The following ZSWIM6 variants were observed in gnomAD, a reference collection of about 807,000 sequenced individuals.
The protein encoded by ZSWIM6 is zinc finger SWIM domain-containing protein 6.
In ZSWIM6, 9 loss-of-function variants were observed where a neutral mutation model predicts 113.2. The ratio of observed to expected loss-of-function variants is 0.08; its 90% confidence interval spans 0.05 to 0.14. ZSWIM6 has a LOEUF of 0.14. ZSWIM6 is among the 10% of genes least tolerant of loss of function. ZSWIM6 has a pLI of 1.00. For synonymous variants in ZSWIM6, 611 were observed against 606.5 expected (o/e 1.01, Z -0.11); for missense variants, 1,162 against 1,552.2 (o/e 0.75, Z 4.22).
Position 61,543,749 on chromosome 5 carries a change from A to T in ZSWIM6, c.3080A>T (p.Tyr1027Phe). The change falls in exon 14 of 14, where the codon TAT (tyrosine) becomes TTT (phenylalanine). Residue 1027 changes from tyrosine (Y) to phenylalanine (F), a missense_variant. Tyr to Phe is a conservative substitution (Grantham distance 22). Around this residue, in one of 4 missense-constraint regions of ZSWIM6, gnomAD observed 620 missense variants for 804.6 expected, o/e 0.77. Coordinates refer to ENST00000252744, the MANE Select transcript of ZSWIM6 (RefSeq NM_020928.2). This position sits in a 1 kb window ranked among gnomAD's most constrained non-coding sequence, Gnocchi z 4.3. Reference sequence around the variant, plus strand: ...GACGCTGCTACGACTGGCATGAGCTATACACAGCTCTTTACAATAGCACGG... The same window carrying T: ...GACGCTGCTACGACTGGCATGAGCTTTACACAGCTCTTTACAATAGCACGG... ...VLDAATTGMS[Y>F]TQLFTIARYM... 1 of 1,551,790 alleles carries T rather than the reference A, an allele frequency of 6.4e-7. No individual in the cohort carries two copies. The highest frequency in any genetic ancestry group is 1.2e-5 in the South Asian group (1 of 84,062).
chr5:61,522,886 A>G (rs1013469357), intron 5 of ZSWIM6, among the ~76,000 whole-genome samples: 10 of 152,134 alleles, frequency 6.6e-5, no homozygotes, highest in African/African-American at 2.2e-4. Flanking sequence ...CTACTCAAAC[A>G]TTTTACATTT....
chr5:61,479,232 C>CT (rs1012764743), intron 2 of ZSWIM6, among the ~76,000 whole-genome samples: 144 of 148,140 alleles, frequency 9.7e-4, no homozygotes, highest in African/African-American at 2.5e-3. Flanking sequence ...ACAGGGGATC[C>CT]TTTTTTTTTT....
intron 1 of ZSWIM6, among the ~76,000 whole-genome samples, chr5:61,348,138 G>A (rs770095872): frequency 5.3e-5 from 8 of 152,122 alleles, no homozygotes; most frequent in Non-Finnish European, 7.4e-5. Flanking sequence ...GGAAAATGGC[G>A]TCAACCCGGG....
chr5:61,345,896 G>A (rs993284417), intron 1 of ZSWIM6, among the ~76,000 whole-genome samples: 6 of 152,172 alleles, frequency 3.9e-5, no homozygotes, highest in African/African-American at 1.4e-4. Flanking sequence ...AAGGTGAATT[G>A]CTTGGTCTAG....
chr5:61,371,994 T>A (rs986814511), intron 1 of ZSWIM6, among the ~76,000 whole-genome samples: 24 of 152,212 alleles, frequency 1.6e-4, no homozygotes, highest in African/African-American at 5.8e-4. Flanking sequence ...AAGCAGATCT[T>A]TAATGTCTAC....
chr5:61,436,256 C>A (rs548805128), intron 1 of ZSWIM6, among the ~76,000 whole-genome samples: 11 of 151,722 alleles, frequency 7.3e-5, no homozygotes, highest in African/African-American at 2.7e-4. Context: ...ATGTTGGTAG[C>A]AGCTTGAACA....
intron 4 of ZSWIM6, among the ~76,000 whole-genome samples, chr5:61,509,328 A>G (rs1269456418): frequency 2.0e-5 from 3 of 152,186 alleles, no homozygotes; most frequent in Non-Finnish European, 2.9e-5. Context: ...TTAAGTTTCT[A>G]TAGAAGACTA....
chr5:61,472,591 G>T lies in ZSWIM6; in HGVS notation c.677-90G>T. 3 of 1,057,362 alleles carry T rather than the reference G, an allele frequency of 2.8e-6. No homozygotes were observed. Among genetic ancestry groups the T allele is most frequent in the African/African-American group, 1.6e-5 (1 of 61,890 alleles). 65.5% of individuals were successfully genotyped at this position (1,057,362 alleles called of 1,614,324 possible). ...GCTGTCATATTTTTTTCTTGCTGCT[G>T]TCAAGTCCCACACATTTCAAAGAAT... On this transcript the variant is annotated intron_variant, in intron 1 of 13. Coordinates refer to ENST00000252744, the MANE Select transcript of ZSWIM6 (RefSeq NM_020928.2). This position sits in a 1 kb window ranked among gnomAD's most constrained non-coding sequence, Gnocchi z 4.1.
chr5:61,343,660 CT>C (rs1231676948), intron 1 of ZSWIM6, among the ~76,000 whole-genome samples: 5 of 152,106 alleles, frequency 3.3e-5, no homozygotes, highest in African/African-American at 1.2e-4. Flanking sequence ...CATGCTGAAC[CT>C]TTACTCCTGC....
At chr5:61,428,757 C>A (rs938643626) in intron 1 of ZSWIM6, among the ~76,000 whole-genome samples, 3 of 152,100 alleles carry the variant, frequency 2.0e-5, no homozygotes, top group African/African-American at 7.2e-5. Flanking sequence ...CATTAGATAT[C>A]TTCATATTAT....
chr5:61,391,223 T>A, intron 1 of ZSWIM6: 1 of 897,314 alleles, frequency 1.1e-6, no homozygotes, highest in East Asian at 2.4e-5. Flanking sequence ...ATGACGTCGA[T>A]CATCTTGTCC....
intron 1 of ZSWIM6, among the ~76,000 whole-genome samples, chr5:61,418,465 AC>A (rs1404868528): frequency 6.6e-6 from 1 of 151,702 alleles, no homozygotes; most frequent in Non-Finnish European, 1.5e-5. Context: ...AATTTTCAAG[AC>A]CTGGTTGGTC....
At chr5:61,488,794 A>G (rs1260795172) in intron 2 of ZSWIM6, among the ~76,000 whole-genome samples, 1 of 151,372 alleles carries the variant, frequency 6.6e-6, no homozygotes, top group Non-Finnish European at 1.5e-5. Context: ...TTTTTTTTCA[A>G]TCAACAGTAT....
At chr5:61,473,809 T>C (rs1368306004) in intron 2 of ZSWIM6, among the ~76,000 whole-genome samples, 2 of 152,208 alleles carry the variant, frequency 1.3e-5, no homozygotes, top group Non-Finnish European at 2.9e-5. Context: ...ACTAAACAGC[T>C]CTGGGACCTA....
intron 1 of ZSWIM6, among the ~76,000 whole-genome samples, chr5:61,429,677 G>GAGCCGT (rs1746536953): frequency 1.3e-5 from 2 of 152,250 alleles, no homozygotes; most frequent in South Asian, 4.1e-4. Flanking sequence ...GTAGACTTGA[G>GAGCCGT]AGCCGTCCTG....
chr5:61,535,232 T>C (rs930236530), intron 9 of ZSWIM6, among the ~76,000 whole-genome samples: 7 of 152,220 alleles, frequency 4.6e-5, no homozygotes, highest in African/African-American at 1.2e-4. Flanking sequence ...GTGAATGCTG[T>C]CTGCCCCTGA....
chr5:61,333,602 A>G (rs1744317355), intron 1 of ZSWIM6, among the ~76,000 whole-genome samples: 1 of 150,706 alleles, frequency 6.6e-6, no homozygotes, highest in Non-Finnish European at 1.5e-5. Flanking sequence ...CGGGGTTTAA[A>G]TGTCGTTTTC....
intron 7 of ZSWIM6, 35 bp from the exon 8 acceptor site, chr5:61,530,017 A>T: frequency 1.3e-6 from 2 of 1,511,456 alleles, no homozygotes; most frequent in South Asian, 1.3e-5. Context: ...TCTCCCTTCT[A>T]CTCCCCCATT....
intron 1 of ZSWIM6, among the ~76,000 whole-genome samples, chr5:61,339,206 A>C (rs780488872): frequency 6.6e-6 from 1 of 152,232 alleles, no homozygotes; most frequent in Non-Finnish European, 1.5e-5. Flanking sequence ...AAATCACATG[A>C]GACCAGCCTG....
Sources: allele counts gnomAD v4.1 joint callset (sites outside exome capture counted in the v4.1 genomes callset), GRCh38; gene constraint gnomAD v4.1.1; regional missense constraint gnomAD v4.1.1; non-coding constraint Gnocchi (gnomAD v3.1); transcripts MANE v1.5; gene names NCBI Gene and HGNC (gene_info 2026-07-23, HGNC 2026-07-21).